The following STYXL1 variants were observed in gnomAD, a reference collection of about 807,000 sequenced individuals.
STYXL1 encodes serine/threonine/tyrosine interacting like 1.
In STYXL1, 32 loss-of-function variants were observed where a neutral mutation model predicts 36.4. The observed-to-expected ratio is 0.88, with a 90% CI of 0.66 to 1.18. The LOEUF (loss-of-function observed/expected upper bound fraction) is 1.18, where lower values mean the gene tolerates loss of function less well. Among genes scored for constraint, STYXL1 ranks in the 50% most tolerant of loss-of-function variants. STYXL1 has a pLI of 0.00. For missense variants in STYXL1, 354 were observed against 394.1 expected, an observed-to-expected ratio of 0.90 and a Z score of 0.86; for synonymous variants, 133 against 144.1, an observed-to-expected ratio of 0.92 and a Z score of 0.55.
At chr7:76,042,390 CTTTTTTTTTTTTTTTTTTTT>C (rs528469396) in intron 1 of STYXL1, among the ~76,000 whole-genome samples, 1 of 41,816 alleles carries the variant, frequency 2.4e-5, no homozygotes, top group Non-Finnish European at 5.3e-5. Flanking sequence ...CCCTTATGTG[CTTTTTTTTTTTTTTTTTTTT>C]TTTTTTTTTT....
chr7:75,997,908 A>G (rs1382091046), intron 8 of STYXL1, among the ~76,000 whole-genome samples: 2 of 152,224 alleles, frequency 1.3e-5, no homozygotes, highest in East Asian at 1.9e-4. Context: ...AGACTTGTAC[A>G]CTGAAAACTC....
At chr7:76,000,008 T>C (rs1212360000) in intron 8 of STYXL1, among the ~76,000 whole-genome samples, 1 of 151,126 alleles carries the variant, frequency 6.6e-6, no homozygotes, top group Non-Finnish European at 1.5e-5. Flanking sequence ...CTGGCCAAGA[T>C]GGTGAAACCC....
intron 1 of STYXL1, among the ~76,000 whole-genome samples, chr7:76,041,803 T>C (rs1480946374): frequency 6.6e-6 from 1 of 152,146 alleles, no homozygotes; most frequent in Non-Finnish European, 1.5e-5. Flanking sequence ...CGATGACAAA[T>C]AGGCAAAGCA....
intron 2 of STYXL1, among the ~76,000 whole-genome samples, chr7:76,030,008 T>G (rs1795152838): frequency 6.6e-6 from 1 of 151,994 alleles, no homozygotes; most frequent in South Asian, 2.1e-4. Flanking sequence ...TATTTTTTTT[T>G]TTCTTTTTTG....
At chr7:76,028,124 T>A (rs782488102) in intron 3 of STYXL1, among the ~76,000 whole-genome samples, 1 of 152,130 alleles carries the variant, frequency 6.6e-6, no homozygotes, top group Non-Finnish European at 1.5e-5. Context: ...AAACTCCGCC[T>A]CCCAGGTCCA....
chr7:76,047,281 TTAAG>T (rs1797252869), intron 1 of STYXL1, among the ~76,000 whole-genome samples: 1 of 152,020 alleles, frequency 6.6e-6, no homozygotes, highest in African/African-American at 2.4e-5. Context: ...ATTCATACAT[TTAAG>T]TAATAAACTC....
chr7:76,007,718 C>A (rs1791967877), intron 5 of STYXL1, among the ~76,000 whole-genome samples: 1 of 150,604 alleles, frequency 6.6e-6, no homozygotes, highest in Non-Finnish European at 1.5e-5. Context: ...CCCAGGAGTT[C>A]AAGACCAGCC....
intron 1 of STYXL1, among the ~76,000 whole-genome samples, chr7:76,033,547 C>T (rs1250173344): frequency 6.6e-6 from 1 of 152,122 alleles, no homozygotes; most frequent in Non-Finnish European, 1.5e-5. Flanking sequence ...GGTAATCTTG[C>T]TCTAAACGGT....
intron 7 of STYXL1, among the ~76,000 whole-genome samples, chr7:76,002,220 T>A (rs1298513307): frequency 6.6e-6 from 1 of 152,156 alleles, no homozygotes; most frequent in Non-Finnish European, 1.5e-5. Flanking sequence ...ACCTACTTCA[T>A]ACAGTTTGGT....
At chr7:76,040,536 A>T (rs542842036) in intron 1 of STYXL1, among the ~76,000 whole-genome samples, 1 of 152,240 alleles carries the variant, frequency 6.6e-6, no homozygotes, top group African/African-American at 2.4e-5. Context: ...GCCCAAATAA[A>T]AGTTAAAGCT....
At chr7:76,014,500 C>G (rs1429131286) in intron 4 of STYXL1, among the ~76,000 whole-genome samples, 1 of 151,754 alleles carries the variant, frequency 6.6e-6, no homozygotes, top group African/African-American at 2.4e-5. Flanking sequence ...TATAGGTGCG[C>G]ACCACCACAC....
intron 7 of STYXL1, among the ~76,000 whole-genome samples, chr7:76,002,783 A>G (rs3779423): frequency 0.97 from 147,392 of 152,102 alleles, 71,519 homozygotes; most frequent in Non-Finnish European, 1. Context: ...AATTAGTTGG[A>G]CGTGGTGGTG....
chr7:76,032,166 G>T (rs1554579542), intron 1 of STYXL1, among the ~76,000 whole-genome samples: 1 of 151,970 alleles, frequency 6.6e-6, no homozygotes, highest in Non-Finnish European at 1.5e-5. Flanking sequence ...CCAAGGTAGG[G>T]GGGATTGCTT....
intron 1 of STYXL1, among the ~76,000 whole-genome samples, chr7:76,031,700 A>T (rs2116333209): frequency 7.1e-6 from 1 of 140,796 alleles, no homozygotes; most frequent in Non-Finnish European, 1.6e-5. Flanking sequence ...GGGCTACAGA[A>T]TAAGACTCCA....
intron 5 of STYXL1, among the ~76,000 whole-genome samples, chr7:76,009,475 G>T (rs1554571577): frequency 6.6e-6 from 1 of 152,038 alleles, no homozygotes; most frequent in African/African-American, 2.4e-5. Context: ...GCAGTGGTGT[G>T]ACTCAGCTCA....
chr7:76,008,072 G>A (rs782127303), intron 5 of STYXL1, among the ~76,000 whole-genome samples: 11 of 151,478 alleles, frequency 7.3e-5, no homozygotes, highest in Non-Finnish European at 1.2e-4. Flanking sequence ...GACAGTGCAC[G>A]CCTGTAATCC....
At position 76,000,490 on chromosome 7, in the gene STYXL1, G is replaced by A. The variant is rs980530277; in HGVS notation, c.810+400C>T. On this transcript the variant is annotated intron_variant, in intron 8 of 8. Transcript: ENST00000359697. The stretch of plus-strand genomic sequence containing the variant: ...GTTCCGCCTGGGTTTGCTGCGATGG[G>A]TCCCTGCTTCCCTCTCTTCTCTGGA... 38 of 458,990 alleles carry A rather than the reference G, an allele frequency of 8.3e-5. 1 individual carries two copies. The highest frequency in any genetic ancestry group is 6.4e-4 in the Middle Eastern group (2 of 3,108). The allele number at this position is 458,990 out of a possible 1,614,324, so 28.4% of individuals were successfully genotyped here.
Position 76,000,648 on chromosome 7 carries a change from G to A in STYXL1, c.810+242C>T, listed in dbSNP as rs150614149. 4.5e-3 allele frequency: 2,709 copies of A among 595,776 alleles called. 16 individuals carry two copies. The highest frequency in any genetic ancestry group is 7.9e-3 in the Middle Eastern group (19 of 2,416). The allele number at this position is 595,776 out of a possible 1,614,324, so 36.9% of individuals were successfully genotyped here. A position where few individuals can be genotyped will look rare whatever the true frequency, so the allele number is the denominator to read the frequency against. On this transcript the variant is annotated intron_variant, in intron 8 of 8. Coordinates refer to ENST00000359697, the MANE Select transcript of STYXL1 (RefSeq NM_001317785.2). ...GGACGGCCTGACAGCAGTGGGGGCT[G>A]CAGGACAGCCTGACCTGGCCTGAGT... is the stretch of plus-strand genomic sequence containing the variant.
At position 76,005,390 on chromosome 7, in the gene STYXL1, A is replaced by C. The variant is rs941482841; in HGVS notation, c.468T>G (p.Phe156Leu). ...IIWMPQELDA[F>L]QPYPIEIVPG... ...GCACGATTTCAATGGGGTATGGCTGAAATGCATCCAGTTCCTGAAGTGTGG... is the reference window on the plus strand; with the variant it reads ...GCACGATTTCAATGGGGTATGGCTGCAATGCATCCAGTTCCTGAAGTGTGG... Residue 156 changes from phenylalanine to leucine, a missense_variant, in exon 6 of 9, where the codon TTT (phenylalanine) becomes TTG (leucine). Phe to Leu is a conservative substitution (Grantham distance 22, BLOSUM62 0). Coordinates refer to ENST00000359697, the MANE Select transcript of STYXL1 (RefSeq NM_001317785.2). 1.2e-6 allele frequency: 2 copies of C among 1,612,518 alleles called. No individual in the cohort carries two copies. The highest frequency in any genetic ancestry group is 1.7e-6 in the Non-Finnish European group (2 of 1,178,890).
Sources: gnomAD v4.1 joint callset for allele counts (sites outside exome capture counted in the v4.1 genomes callset) on GRCh38, gnomAD v4.1.1 for gene constraint, MANE v1.5 for transcripts, NCBI Gene and HGNC (gene_info 2026-07-23, HGNC 2026-07-21) for gene names.